The following NTRK1 variants were observed in gnomAD, a reference collection of about 807,000 sequenced individuals.
NTRK1 encodes the protein neurotrophic receptor tyrosine kinase 1, also known as high affinity nerve growth factor receptor.
Under a neutral mutation model 86.8 loss-of-function variants are expected in NTRK1, and 62 were observed. The ratio of observed to expected loss-of-function variants is 0.71; its 90% CI spans 0.58 to 0.88. NTRK1 has a LOEUF of 0.88. Among genes scored for constraint, NTRK1 ranks in the 40% least tolerant of loss-of-function variants. NTRK1 has a pLI of 0.00. For synonymous variants in NTRK1, 469 were observed against 456.6 expected (o/e 1.03, Z -0.35); for missense variants, 967 against 1,078.4 (o/e 0.90, Z 1.45).
upstream of NTRK1, among the ~76,000 whole-genome samples, chr1:156,858,016 C>T (rs973581332): frequency 1.3e-5 from 2 of 152,158 alleles, no homozygotes; most frequent in African/African-American, 4.8e-5. Flanking sequence ...CAAAACCAGC[C>T]TTCCTCCCTG....
chr1:156,868,044 A>G (rs571550360), intron 4 of NTRK1, 60 bp from the exon 5 acceptor site: 1 of 1,600,246 alleles, frequency 6.2e-7, no homozygotes, highest in African/African-American at 1.3e-5. Context: ...GCTCCCTCTT[A>G]TCCCCTGTGA....
At chr1:156,819,533 T>TATA (rs1558073172) in intron 1 of NTRK1, among the ~76,000 whole-genome samples, 2 of 151,888 alleles carry the variant, frequency 1.3e-5, no homozygotes, top group South Asian at 2.1e-4. Context: ...TTTTTATTAT[T>TATA]TTTTTAGATG....
chr1:156,870,212 C>T (rs1647473551), intron 6 of NTRK1, among the ~76,000 whole-genome samples: 1 of 152,220 alleles, frequency 6.6e-6, no homozygotes, highest in Non-Finnish European at 1.5e-5. Flanking sequence ...GGGAGACTTA[C>T]ATGTTTGCTA....
intron 1 of NTRK1, among the ~76,000 whole-genome samples, chr1:156,838,373 G>A (rs921528311): frequency 3.6e-5 from 5 of 137,756 alleles, no homozygotes; most frequent in Admixed American, 3.6e-4. Flanking sequence ...GCCAGCTACA[G>A]GCTTTTTTTT....
At chr1:156,872,168 TA>T (rs1647599877) in intron 7 of NTRK1, among the ~76,000 whole-genome samples, 1 of 152,222 alleles carries the variant, frequency 6.6e-6, no homozygotes, top group Admixed American at 6.5e-5. Flanking sequence ...CAAATTATCT[TA>T]AATATTCTAC....
At chr1:156,827,000 C>A (rs886177715) in intron 1 of NTRK1, among the ~76,000 whole-genome samples, 4 of 152,178 alleles carry the variant, frequency 2.6e-5, no homozygotes, top group Admixed American at 6.5e-5. Flanking sequence ...ACCAAACATG[C>A]AAAAGTAAAT....
intron 1 of NTRK1, among the ~76,000 whole-genome samples, chr1:156,823,439 G>A (rs1183651005): frequency 6.6e-6 from 1 of 152,148 alleles, no homozygotes; most frequent in Non-Finnish European, 1.5e-5. Context: ...GTGATCGCGA[G>A]CCTGTTGTTG....
rs368034056 is a variant in NTRK1, at chr1:156,851,710, C to T, written c.50+9517C>T. 22 of 1,614,082 alleles carry T rather than the reference C, an allele frequency of 1.4e-5. No individual in the cohort carries two copies. Among genetic ancestry groups the T allele is most frequent in the South Asian group, 4.4e-5 (4 of 91,084 alleles). On this transcript the variant is annotated intron_variant, in intron 2 of 16. Coordinates refer to the NTRK1 transcript ENST00000392302. Reference sequence around the variant, plus strand: ...GCGTGCAGCCCACAAGATCCTGTGCCGCCTGGATGGAGTCGATGGTCTTGG... The same window carrying T: ...GCGTGCAGCCCACAAGATCCTGTGCTGCCTGGATGGAGTCGATGGTCTTGG...
chr1:156,837,449 G>A (rs540513959), intron 1 of NTRK1, among the ~76,000 whole-genome samples: 22 of 152,358 alleles, frequency 1.4e-4, no homozygotes, highest in African/African-American at 4.6e-4. Context: ...GCCCTTGGCC[G>A]AGTAACCCAG....
intron 2 of NTRK1, chr1:156,844,867 C>A: frequency 6.2e-7 from 1 of 1,613,144 alleles, no homozygotes; most frequent in Middle Eastern, 1.7e-4. Context: ...CATCCAGCAG[C>A]CGGGCCAAAA....
chr1:156,842,390 G>A lies in NTRK1; in HGVS notation c.50+197G>A, dbSNP rs374923450. The A allele has an allele frequency of 1.2e-5, 20 of 1,613,388 alleles. No individual in the cohort carries two copies. In the African/African-American group the frequency reaches 2.1e-4, roughly 17 times the overall value. On this transcript the variant is annotated intron_variant, in intron 2 of 16. Coordinates refer to the NTRK1 transcript ENST00000392302. ...TCTTTCACTCCCCAGGGTCTTCCTG[G>A]TCCCTACCTCTGCCTCAGGCCGCAA...
chr1:156,877,227 T>C (rs183569568), intron 14 of NTRK1, among the ~76,000 whole-genome samples: 48 of 152,324 alleles, frequency 3.2e-4, no homozygotes, highest in Admixed American at 3.0e-3. Context: ...CTGGTACATA[T>C]ATATCTTGTA....
At chr1:156,867,054 A>G (rs1655970197) in intron 4 of NTRK1, 76 bp downstream of exon 4, 1 of 1,450,320 alleles carries the variant, frequency 6.9e-7, no homozygotes, top group Non-Finnish European at 9.7e-7. Flanking sequence ...GTTGGATGAC[A>G]TTGGGTCACT....
chr1:156,869,018 C>CT (rs1553261500), intron 6 of NTRK1, among the ~76,000 whole-genome samples: 1 of 43,532 alleles, frequency 2.3e-5, no homozygotes. Flanking sequence ...TTTTCTCTCT[C>CT]CCTTCCTTCC....
In NTRK1 at chr1:156,874,236, C is replaced by T. The variant is rs528625217; in HGVS notation, c.1178-147C>T. 1.9e-5 allele frequency: 24 copies of T among 1,256,060 alleles called. No homozygotes were observed. In the South Asian group the frequency reaches 2.9e-4, roughly 15 times the overall value. 77.8% of individuals were successfully genotyped at this position (1,256,060 alleles called of 1,614,324 possible). On this transcript the variant is annotated intron_variant, in intron 8 of 16. Transcript: ENST00000524377. ...GGAAAAGGGTCACATGCATCTTCTT[C>T]CTTGAGGCCCAGCAGCCCACCTCCA...
At chr1:156,851,716 G>A (rs778388141) in intron 2 of NTRK1, 1 of 1,614,104 alleles carries the variant, frequency 6.2e-7, no homozygotes, top group African/African-American at 1.3e-5. Flanking sequence ...GTGCCGCCTG[G>A]ATGGAGTCGA....
rs1480681042 is a variant in NTRK1 at position 156,881,463 on chromosome 1, G to A, written c.2212G>A (p.Asp738Asn). 16 of 1,568,510 alleles carry A rather than the reference G, an allele frequency of 1.0e-5. No homozygotes were observed. Among genetic ancestry groups the A allele is most frequent in the East Asian group, 2.4e-5 (1 of 42,022 alleles). Reference protein sequence around the residue: ...WYQLSNTEAIDCITQGRELER... With the variant: ...WYQLSNTEAINCITQGRELER... ...GTCTCTCCGGTGGCCCCAGGCAATC[G>A]ACTGCATCACGCAGGGACGTGAGTT... Residue 738 changes from aspartate to asparagine, a missense_variant, in exon 17 of 17, where the codon GAC (aspartate) becomes AAC (asparagine). By Grantham distance (23) the Asp-to-Asn change is conservative. Coordinates refer to ENST00000524377, the MANE Select transcript of NTRK1 (RefSeq NM_002529.4).
At chr1:156,856,051 C>G (rs1558092834), upstream of NTRK1, among the ~76,000 whole-genome samples, 1 of 151,848 alleles carries the variant, frequency 6.6e-6, no homozygotes, top group Non-Finnish European at 1.5e-5. Flanking sequence ...TCAAGTAATC[C>G]CTCTGCCTCG....
intron 2 of NTRK1, among the ~76,000 whole-genome samples, chr1:156,855,176 T>TTATCTATCTATCTATC (rs142014665): frequency 0.37 from 52,752 of 143,216 alleles, 10,159 homozygotes; most frequent in Non-Finnish European, 0.38. Context: ...CCATCCAATT[T>TTATCTATCTATCTATC]TATCTATCTA....
Sources: gnomAD v4.1 joint callset for allele counts (sites outside exome capture counted in the v4.1 genomes callset) on GRCh38, gnomAD v4.1.1 for gene constraint, MANE v1.5 for transcripts, NCBI Gene and HGNC (gene_info 2026-07-23, HGNC 2026-07-21) for gene names.